The following MCU variants were observed in gnomAD, a reference collection of about 807,000 sequenced individuals.
The protein encoded by MCU is calcium uniporter protein, mitochondrial.
MCU carries 12 observed loss-of-function variants against 45.2 expected under a neutral mutation model. The observed-to-expected ratio is 0.27, with a 90% CI of 0.17 to 0.43. The LOEUF is 0.43. Ranked by LOEUF, MCU falls within the 20% of genes least tolerant of loss-of-function variation. The pLI, the probability that MCU is intolerant of heterozygous loss-of-function variation, is 1.00. For missense variants in MCU, 324 were observed against 436.7 expected, an observed-to-expected ratio of 0.74 and a Z score of 2.30; for synonymous variants, 160 against 165.1, an observed-to-expected ratio of 0.97 and a Z score of 0.24.
intron 1 of MCU, among the ~76,000 whole-genome samples, chr10:72,796,466 A>C (rs1443315965): frequency 6.6e-6 from 1 of 152,162 alleles, no homozygotes; most frequent in Non-Finnish European, 1.5e-5. Context: ...TTAAAACAAC[A>C]ATTAAGGAGA....
intron 1 of MCU, among the ~76,000 whole-genome samples, chr10:72,783,981 A>G (rs1844034254): frequency 1.3e-5 from 2 of 152,222 alleles, no homozygotes; most frequent in Non-Finnish European, 2.9e-5. Context: ...ACCAGCCCCC[A>G]AAAGTCAATA....
intron 2 of MCU, among the ~76,000 whole-genome samples, chr10:72,854,218 A>G (rs150461195): frequency 7.2e-5 from 11 of 152,174 alleles, no homozygotes; most frequent in African/African-American, 2.6e-4. Flanking sequence ...CAGTGAGCCC[A>G]GTAGTTTGAG....
intron 1 of MCU, among the ~76,000 whole-genome samples, chr10:72,787,543 A>G (rs1348852290): frequency 1.3e-5 from 2 of 152,118 alleles, no homozygotes; most frequent in African/African-American, 4.8e-5. Context: ...TGCTGAGATT[A>G]TAGGCATGAG....
At chr10:72,746,768 A>T (rs1288082023) in intron 1 of MCU, among the ~76,000 whole-genome samples, 2 of 152,304 alleles carry the variant, frequency 1.3e-5, no homozygotes, top group African/African-American at 2.4e-5. Context: ...GTTCAGAAAA[A>T]AAATAACTTA....
intron 1 of MCU, among the ~76,000 whole-genome samples, chr10:72,807,592 A>C (rs546195813): frequency 6.6e-6 from 1 of 152,254 alleles, no homozygotes; most frequent in Non-Finnish European, 1.5e-5. Flanking sequence ...AGTGAATCTA[A>C]TGCTTTGATT....
chr10:72,709,110 A>G (rs545253468), intron 1 of MCU, among the ~76,000 whole-genome samples: 1 of 152,154 alleles, frequency 6.6e-6, no homozygotes, highest in African/African-American at 2.4e-5. Flanking sequence ...GAAAGGAACT[A>G]TTTCAAAGAG....
At chr10:72,881,887 C>T (rs575038346) in intron 6 of MCU, among the ~76,000 whole-genome samples, 3 of 152,124 alleles carry the variant, frequency 2.0e-5, no homozygotes, top group Non-Finnish European at 2.9e-5. Context: ...ATAGCCCCAA[C>T]GTGGAAACAA....
chr10:72,787,104 A>G (rs1328022523), intron 1 of MCU, among the ~76,000 whole-genome samples: 1 of 152,238 alleles, frequency 6.6e-6, no homozygotes, highest in Non-Finnish European at 1.5e-5. Flanking sequence ...GCTAAACAAA[A>G]CATGATTTGA....
At chr10:72,799,577 CT>C (rs1844306863) in intron 1 of MCU, among the ~76,000 whole-genome samples, 1 of 151,996 alleles carries the variant, frequency 6.6e-6, no homozygotes, top group Non-Finnish European at 1.5e-5. Context: ...CCTCCTCAGC[CT>C]CCTGAGTAGC....
chr10:72,803,140 T>A (rs1250389620), intron 1 of MCU, among the ~76,000 whole-genome samples: 4 of 152,164 alleles, frequency 2.6e-5, no homozygotes, highest in Non-Finnish European at 5.9e-5. Flanking sequence ...ATCTGGGTAA[T>A]CCATTTTGGC....
chr10:72,703,238 A>G (rs754393424), intron 1 of MCU, among the ~76,000 whole-genome samples: 4 of 152,238 alleles, frequency 2.6e-5, no homozygotes, highest in Admixed American at 1.3e-4. Context: ...ATCTCATTTA[A>G]TTCTTGTGAT....
intron 6 of MCU, among the ~76,000 whole-genome samples, chr10:72,873,297 C>T (rs1281911342): frequency 3.9e-5 from 6 of 152,150 alleles, no homozygotes; most frequent in Admixed American, 6.5e-5. Context: ...GGATTACAGG[C>T]GTGAGCGACC....
intron 7 of MCU, among the ~76,000 whole-genome samples, chr10:72,885,048 C>G (rs148784021): frequency 6.6e-6 from 1 of 152,274 alleles, no homozygotes; most frequent in Non-Finnish European, 1.5e-5. Context: ...TTGCTCTTCT[C>G]TGCCTTTCCT....
intron 4 of MCU, among the ~76,000 whole-genome samples, chr10:72,863,931 A>G (rs1845416612): frequency 6.6e-6 from 1 of 152,192 alleles, no homozygotes; most frequent in South Asian, 2.1e-4. Flanking sequence ...TCTATCGTTT[A>G]CTACCATAAA....
chr10:72,767,660 C>T (rs1232184074), intron 1 of MCU, among the ~76,000 whole-genome samples: 1 of 151,948 alleles, frequency 6.6e-6, no homozygotes, highest in Non-Finnish European at 1.5e-5. Context: ...TTTCAGCTCT[C>T]TTGTCTCTGC....
At chr10:72,725,951 A>C (rs1123641) in intron 1 of MCU, among the ~76,000 whole-genome samples, 95,952 of 152,046 alleles carry the variant, frequency 0.63, 31,828 homozygotes, top group African/African-American at 0.73. Context: ...AATCATATTT[A>C]TTTCCTCCTT....
At chr10:72,870,099 A>T (rs939976720) in intron 5 of MCU, among the ~76,000 whole-genome samples, 5 of 152,190 alleles carry the variant, frequency 3.3e-5, no homozygotes, top group African/African-American at 4.8e-5. Context: ...TACAATGAAC[A>T]TATGTTACCT....
At chr10:72,808,952 T>G (rs188404694) in intron 1 of MCU, among the ~76,000 whole-genome samples, 1 of 152,170 alleles carries the variant, frequency 6.6e-6, no homozygotes, top group Non-Finnish European at 1.5e-5. Flanking sequence ...GAGATTTGGG[T>G]GGGGACACAG....
chr10:72,776,327 C>T (rs2132744593), intron 1 of MCU, among the ~76,000 whole-genome samples: 1 of 152,236 alleles, frequency 6.6e-6, no homozygotes, highest in East Asian at 1.9e-4. Context: ...CAACAAAATA[C>T]CAGGAAACCA....
Sources: allele counts gnomAD v4.1 joint callset (sites outside exome capture counted in the v4.1 genomes callset), GRCh38; gene constraint gnomAD v4.1.1; transcripts MANE v1.5; gene names NCBI Gene and HGNC (gene_info 2026-07-23, HGNC 2026-07-21).